TBC1D16: variants seen among roughly 807,000 people sequenced by gnomAD.
TBC1D16 encodes the protein CTD-2529O21.1.
TBC1D16 carries 58 observed loss-of-function variants against 74.7 expected under a neutral mutation model. That is an observed-to-expected ratio of 0.78 (90% confidence interval 0.63 to 0.97). The LOEUF (loss-of-function observed/expected upper bound fraction) is 0.97. Ranked by LOEUF, TBC1D16 falls within the 50% of genes least tolerant of loss-of-function variation. The pLI is 0.00. For missense variants in TBC1D16, 1,014 were observed against 1,079.5 expected, an observed-to-expected ratio of 0.94 and a Z score of 0.85; for synonymous variants, 493 against 474.7, an observed-to-expected ratio of 1.04 and a Z score of -0.50.
chr17:80,013,630 A>G (rs2035981788), intron 1 of TBC1D16, 21 bp from the exon 2 acceptor site: 1 of 1,386,768 alleles, frequency 7.2e-7, no homozygotes, highest in African/African-American at 1.5e-5. Context: ...AAGAGAGAGG[A>G]GATGGTCAAG....
chr17:79,941,236 G>T lies in TBC1D16; in HGVS notation c.2056-129C>A. Reference sequence around the variant, plus strand: ...GCACCTCGGGGGCTCACCGAGTCCTGGACTGAGGGCTCTGCCTGCATCTCC... The same window carrying T: ...GCACCTCGGGGGCTCACCGAGTCCTTGACTGAGGGCTCTGCCTGCATCTCC... On this transcript the variant is annotated intron_variant, in intron 11 of 11. Coordinates refer to ENST00000310924, the MANE Select transcript of TBC1D16 (RefSeq NM_019020.4). This position sits in a 1 kb window ranked among gnomAD's most constrained non-coding sequence, Gnocchi z 4.3. 1 of 890,164 alleles carries T rather than the reference G, an allele frequency of 1.1e-6. No homozygotes were observed. The highest frequency in any genetic ancestry group is 1.7e-6 in the Non-Finnish European group (1 of 601,060). 55.1% of individuals were successfully genotyped at this position (890,164 alleles called of 1,614,324 possible). A position where few individuals can be genotyped will look rare whatever the true frequency, so the allele number is the denominator to read the frequency against.
At chr17:80,034,155 T>C (rs1424557164) in intron 1 of TBC1D16, among the ~76,000 whole-genome samples, 2 of 152,158 alleles carry the variant, frequency 1.3e-5, no homozygotes, top group African/African-American at 2.4e-5. Context: ...ATCACCAAAA[T>C]TGCTAGAGGA....
rs1028039367 is a variant in TBC1D16 at position 79,938,611 on chromosome 17, A to G, written c.*2248T>C. The G allele has an allele frequency of 8.5e-5, 13 of 152,248 alleles. No individual in the cohort carries two copies. The highest frequency in any genetic ancestry group is 2.0e-4 in the Admixed American group (3 of 15,276). 9.4% of individuals were successfully genotyped at this position (152,248 alleles called of 1,614,324 possible). A position where few individuals can be genotyped will look rare whatever the true frequency, so the allele number is the denominator to read the frequency against. On this transcript the variant is annotated 3_prime_UTR_variant, in exon 12 of 12. Transcript: ENST00000310924. ...GGCGGGTGGGGAAGGAGTGCTCCAA[A>G]GCAGGCATTATTAGGACACAGACTC...
chr17:80,024,073 A>G (rs1221631676), intron 1 of TBC1D16: 4 of 150,166 alleles, frequency 2.7e-5, no homozygotes, highest in East Asian at 1.9e-4. Flanking sequence ...CGGCCGGCTA[A>G]GCAGAAGCGG....
intron 1 of TBC1D16, among the ~76,000 whole-genome samples, chr17:80,014,303 G>A (rs2036011190): frequency 6.6e-6 from 1 of 152,116 alleles, no homozygotes; most frequent in African/African-American, 2.4e-5. Context: ...GGTGCAGTGA[G>A]CTGAGATCAC....
At chr17:79,949,583 G>T in intron 7 of TBC1D16, 134 bp downstream of exon 7, 1 of 1,167,994 alleles carries the variant, frequency 8.6e-7, no homozygotes, top group Non-Finnish European at 1.2e-6. Flanking sequence ...CACGTTCCTG[G>T]GAGACCCATT....
At chr17:79,943,719 G>T in intron 10 of TBC1D16, 1 of 781,916 alleles carries the variant, frequency 1.3e-6, no homozygotes, top group Non-Finnish European at 1.6e-6. Flanking sequence ...TGGGCCTCCC[G>T]CTGGAATTCT....
intron 3 of TBC1D16, among the ~76,000 whole-genome samples, chr17:79,974,583 T>C (rs1011036044): frequency 2.6e-5 from 4 of 152,186 alleles, no homozygotes; most frequent in African/African-American, 7.2e-5. Context: ...TAACTGAAAC[T>C]GCAAAAAGCA....
In TBC1D16 at chr17:79,985,489, G is replaced by C. The variant is rs1372329497; in HGVS notation, c.779+24671C>G. Among the ~76,000 whole-genome samples the C allele has an allele frequency of 6.6e-6, 1 of 152,188 alleles. No individual in the cohort carries two copies. Among genetic ancestry groups the C allele is most frequent in the Non-Finnish European group, 1.5e-5 (1 of 68,038 alleles). Reference sequence around the variant, plus strand: ...GAAGCTCGGCTGTGGGTGCGAAGCAGGACTGCCCCCCAAGGCCAGGCAGGT... The same window carrying C: ...GAAGCTCGGCTGTGGGTGCGAAGCACGACTGCCCCCCAAGGCCAGGCAGGT... On this transcript the variant is annotated intron_variant, in intron 3 of 11. Transcript: ENST00000310924. The surrounding 1 kb of genome is among the most constrained non-coding windows in gnomAD (Gnocchi z 4.9).
intron 1 of TBC1D16, among the ~76,000 whole-genome samples, chr17:80,034,445 G>A (rs1489919505): frequency 3.9e-5 from 6 of 151,976 alleles, no homozygotes; most frequent in Non-Finnish European, 5.9e-5. Flanking sequence ...CAGGTGATCC[G>A]CTCGCCTCGT....
At position 80,033,946 on chromosome 17, in the gene TBC1D16, T is replaced by G. The variant is rs557438827; in HGVS notation, c.-63+1849A>C. On this transcript the variant is annotated intron_variant, in intron 1 of 11. Coordinates refer to ENST00000310924, the MANE Select transcript of TBC1D16 (RefSeq NM_019020.4). ...CCCTCTGTAAGACAGAGGGCAAAGT[T>G]GTACAACGGTTTTCTGGAGCTGGGA... Among the ~76,000 whole-genome samples, 45 of 152,310 alleles carry G rather than the reference T, an allele frequency of 3.0e-4. No individual in the cohort carries two copies. In the South Asian group the frequency reaches 8.5e-3, roughly 29 times the overall value.
At chr17:79,997,563 G>T (rs1338395733) in intron 3 of TBC1D16, among the ~76,000 whole-genome samples, 2 of 152,158 alleles carry the variant, frequency 1.3e-5, no homozygotes, top group Admixed American at 6.5e-5. Context: ...TTTTTTAAAT[G>T]AATAGACTTT....
At chr17:80,006,081 T>A (rs765612229) in intron 3 of TBC1D16, among the ~76,000 whole-genome samples, 36 of 152,184 alleles carry the variant, frequency 2.4e-4, no homozygotes, top group Non-Finnish European at 3.1e-4. Flanking sequence ...AGAGTGGCGA[T>A]GGGTGCACCC....
At chr17:79,984,638 A>AAGGAAGGG (rs2034752148) in intron 3 of TBC1D16, among the ~76,000 whole-genome samples, 1 of 148,896 alleles carries the variant, frequency 6.7e-6, no homozygotes, top group South Asian at 2.2e-4. Flanking sequence ...GGAAGGAAGG[A>AAGGAAGGG]AGGAAGGAAG....
intron 9 of TBC1D16, among the ~76,000 whole-genome samples, chr17:79,946,495 T>A (rs2032551832): frequency 6.6e-6 from 1 of 152,176 alleles, no homozygotes; most frequent in South Asian, 2.1e-4. Flanking sequence ...GGGGATCCCA[T>A]TCTATGAGAC....
chr17:79,945,497 C>T (rs960851502), intron 9 of TBC1D16, among the ~76,000 whole-genome samples: 2 of 152,208 alleles, frequency 1.3e-5, no homozygotes, highest in Non-Finnish European at 2.9e-5. Flanking sequence ...TTCGGCTACG[C>T]TCACCCAGAT....
chr17:79,969,788 A>G (rs1250454336), intron 3 of TBC1D16, among the ~76,000 whole-genome samples: 1 of 151,982 alleles, frequency 6.6e-6, no homozygotes. Flanking sequence ...CTAAAAATAC[A>G]AAAATTAGCC....
At chr17:80,020,541 C>T (rs1403731023) in intron 1 of TBC1D16, among the ~76,000 whole-genome samples, 3 of 149,294 alleles carry the variant, frequency 2.0e-5, no homozygotes, top group Non-Finnish European at 4.4e-5. Flanking sequence ...GCTGAGATGG[C>T]GCCACTGCAC....
chr17:79,941,122 C>G lies in TBC1D16; in HGVS notation c.2056-15G>C. ...AAACTCCTCGCCTGCAGACAGAGGA[C>G]GGGGGGTGAGGAGGGGCCGGGGGAC... On this transcript the variant is annotated splice_polypyrimidine_tract_variant and intron_variant, in intron 11 of 11. Coordinates refer to ENST00000310924, the MANE Select transcript of TBC1D16 (RefSeq NM_019020.4). The surrounding 1 kb of genome is among the most constrained non-coding windows in gnomAD (Gnocchi z 4.3). 6.4e-7 allele frequency: 1 copy of G among 1,550,914 alleles called. No homozygotes were observed. Among genetic ancestry groups the G allele is most frequent in the East Asian group, 2.4e-5 (1 of 42,054 alleles).
Sources: gnomAD v4.1 joint callset for allele counts (sites outside exome capture counted in the v4.1 genomes callset) on GRCh38, gnomAD v4.1.1 for gene constraint, Gnocchi (gnomAD v3.1) non-coding constraint, MANE v1.5 for transcripts, NCBI Gene and HGNC (gene_info 2026-07-23, HGNC 2026-07-21) for gene names.